The following CTIF variants were observed in gnomAD, a reference collection of about 807,000 sequenced individuals.
The protein encoded by CTIF is CBP80/20-dependent translation initiation factor.
Under a neutral mutation model 66.0 loss-of-function variants are expected in CTIF, and 21 were observed. The ratio of observed to expected loss-of-function variants is 0.32; its 90% CI spans 0.23 to 0.46. The LOEUF (loss-of-function observed/expected upper bound fraction) is 0.46, where lower values mean the gene tolerates loss of function less well. Ranked by LOEUF, CTIF falls within the 20% of genes least tolerant of loss-of-function variation. The pLI is 1.00. For missense variants in CTIF, 739 were observed against 812.7 expected, an observed-to-expected ratio of 0.91 and a Z score of 1.10; for synonymous variants, 345 against 326.4, an observed-to-expected ratio of 1.06 and a Z score of -0.62.
intron 1 of CTIF, among the ~76,000 whole-genome samples, chr18:48,577,794 C>T (rs1350958661): frequency 1.3e-5 from 2 of 152,182 alleles, no homozygotes; most frequent in African/African-American, 4.8e-5. Context: ...AGTCTGGCCT[C>T]GAACTCCTGG....
At chr18:48,629,524 G>A (rs143866133) in intron 2 of CTIF, among the ~76,000 whole-genome samples, 1 of 152,026 alleles carries the variant, frequency 6.6e-6, no homozygotes, top group East Asian at 1.9e-4. Context: ...ACACTCCAGT[G>A]TGTATTTCCT....
intron 6 of CTIF, among the ~76,000 whole-genome samples, chr18:48,682,295 C>G (rs901626589): frequency 6.6e-6 from 1 of 152,174 alleles, no homozygotes; most frequent in South Asian, 2.1e-4. Flanking sequence ...CACATGATCC[C>G]GGGAGCCAAA....
intron 1 of CTIF, chr18:48,567,717 G>A (rs910891583): frequency 2.0e-5 from 3 of 152,204 alleles, no homozygotes; most frequent in African/African-American, 4.8e-5. Context: ...AGCATGGCTT[G>A]TGCTCATGGG....
intron 5 of CTIF, among the ~76,000 whole-genome samples, chr18:48,665,545 G>T (rs2091423076): frequency 6.6e-6 from 1 of 152,134 alleles, no homozygotes; most frequent in Non-Finnish European, 1.5e-5. Flanking sequence ...TAGTATGCTA[G>T]ACCTGTTGTG....
chr18:48,721,898 T>C (rs2092341093), intron 7 of CTIF, among the ~76,000 whole-genome samples: 1 of 152,192 alleles, frequency 6.6e-6, no homozygotes, highest in Non-Finnish European at 1.5e-5. Flanking sequence ...AGCTATAAAA[T>C]AGGGCTCTGA....
intron 10 of CTIF, among the ~76,000 whole-genome samples, chr18:48,843,533 G>A (rs1198901956): frequency 6.6e-6 from 1 of 152,032 alleles, no homozygotes; most frequent in Non-Finnish European, 1.5e-5. Flanking sequence ...CCCCTAGATG[G>A]CCCTGAGGCC....
intron 6 of CTIF, among the ~76,000 whole-genome samples, chr18:48,685,688 T>C (rs2091828740): frequency 6.6e-6 from 1 of 152,070 alleles, no homozygotes; most frequent in East Asian, 1.9e-4. Context: ...CTTTTTTTAA[T>C]TTTTTTGAGA....
At chr18:48,587,582 C>A (rs2089799810) in intron 1 of CTIF, among the ~76,000 whole-genome samples, 1 of 152,166 alleles carries the variant, frequency 6.6e-6, no homozygotes, top group African/African-American at 2.4e-5. Flanking sequence ...CTAGTCCTGG[C>A]TGTGTTACTA....
chr18:48,671,921 A>G (rs1319335370), intron 6 of CTIF, among the ~76,000 whole-genome samples: 1 of 82,732 alleles, frequency 1.2e-5, no homozygotes, highest in Admixed American at 1.8e-4. Flanking sequence ...CCCATTCAGT[A>G]TATTTTTCAT....
At position 48,711,651 on chromosome 18, in the gene CTIF, C is replaced by A. The variant is rs529540741; in HGVS notation, c.540C>A (p.Ile180=). The part of the protein sequence containing the change: ...GYHPMPHEVE[I]AHTKKLFRRR... ...ACCCGATGCCCCATGAAGTGGAGATCGCACACACCAAGAAGCTGTTCCGCA... is the reference window on the plus strand; with the variant it reads ...ACCCGATGCCCCATGAAGTGGAGATAGCACACACCAAGAAGCTGTTCCGCA... Residue 180 remains isoleucine, a synonymous_variant, in exon 7 of 12, where the codon ATC becomes ATA. Coordinates refer to ENST00000256413, the MANE Select transcript of CTIF (RefSeq NM_014772.3). The A allele has an allele frequency of 2.5e-6, 4 of 1,614,118 alleles. No homozygotes were observed. In the East Asian group the frequency reaches 6.7e-5, roughly 27 times the overall value.
chr18:48,718,938 G>A (rs2092307669), intron 7 of CTIF, among the ~76,000 whole-genome samples: 2 of 152,186 alleles, frequency 1.3e-5, no homozygotes, highest in Non-Finnish European at 2.9e-5. Flanking sequence ...CAGGCCCTCA[G>A]CGTCTGACAG....
At chr18:48,580,361 C>T (rs1306750928) in intron 1 of CTIF, among the ~76,000 whole-genome samples, 1 of 152,164 alleles carries the variant, frequency 6.6e-6, no homozygotes, top group Admixed American at 6.5e-5. Context: ...AGGGCCCCTT[C>T]CTCCGTTCCA....
At chr18:48,758,444 G>A in intron 8 of CTIF, 39 bp downstream of exon 8, 1 of 1,551,736 alleles carries the variant, frequency 6.4e-7, no homozygotes, top group Non-Finnish European at 8.7e-7. Context: ...CTTGCACCAG[G>A]GAGGACAGCA....
intron 5 of CTIF, 45 bp from the exon 6 acceptor site, chr18:48,670,624 T>G: frequency 6.4e-7 from 1 of 1,553,462 alleles, no homozygotes; most frequent in Non-Finnish European, 8.9e-7. Flanking sequence ...ACAGGAGGCA[T>G]GAATGAGCCA....
At chr18:48,783,315 G>T (rs1450770539) in intron 9 of CTIF, among the ~76,000 whole-genome samples, 1 of 152,216 alleles carries the variant, frequency 6.6e-6, no homozygotes, top group Admixed American at 6.5e-5. Context: ...GCCCTTTCTG[G>T]GAAGGACTGG....
At chr18:48,613,687 G>A (rs2090349037) in intron 1 of CTIF, among the ~76,000 whole-genome samples, 1 of 152,216 alleles carries the variant, frequency 6.6e-6, no homozygotes, top group Non-Finnish European at 1.5e-5. Context: ...GTTTAACAGA[G>A]ATGCAGACCC....
chr18:48,556,444 C>G (rs1473149774), intron 1 of CTIF, among the ~76,000 whole-genome samples: 1 of 152,202 alleles, frequency 6.6e-6, no homozygotes, highest in Non-Finnish European at 1.5e-5. Flanking sequence ...GGCACCCCGC[C>G]CCAAGAATAG....
chr18:48,601,569 C>G (rs1442065247), intron 1 of CTIF, among the ~76,000 whole-genome samples: 1 of 152,176 alleles, frequency 6.6e-6, no homozygotes, highest in Non-Finnish European at 1.5e-5. Flanking sequence ...TGGGGACCAG[C>G]CTGTGGGGAG....
chr18:48,771,512 G>A (rs554353292), intron 9 of CTIF, among the ~76,000 whole-genome samples: 32 of 152,254 alleles, frequency 2.1e-4, no homozygotes, highest in Admixed American at 6.5e-4. Flanking sequence ...ACCATCACCC[G>A]TGTCCCTTGC....
Sources: allele counts gnomAD v4.1 joint callset (sites outside exome capture counted in the v4.1 genomes callset), GRCh38; gene constraint gnomAD v4.1.1; transcripts MANE v1.5; gene names NCBI Gene and HGNC (gene_info 2026-07-23, HGNC 2026-07-21).